The following DSCAML1 variants were observed in gnomAD, a reference collection of about 807,000 sequenced individuals.
DSCAML1 encodes the protein cell adhesion molecule DSCAML1.
DSCAML1 carries 38 observed loss-of-function variants against 200.5 expected under a neutral mutation model. The observed-to-expected ratio is 0.19, with a 90% CI of 0.15 to 0.25. DSCAML1 has a LOEUF of 0.25. Ranked by LOEUF, DSCAML1 falls within the 10% of genes least tolerant of loss-of-function variation. DSCAML1 has a pLI of 1.00. For synonymous variants in DSCAML1, 1,215 were observed against 1,165.0 expected, an observed-to-expected ratio of 1.04 and a Z score of -0.87; for missense variants, 2,223 against 2,858.8, an observed-to-expected ratio of 0.78 and a Z score of 5.07.
At chr11:117,559,045 G>A (rs2050610137) in intron 3 of DSCAML1, among the ~76,000 whole-genome samples, 2 of 152,126 alleles carry the variant, frequency 1.3e-5, no homozygotes, top group South Asian at 4.2e-4. Flanking sequence ...AGGGAAAAGG[G>A]GAGGTTGGGG....
chr11:117,640,159 G>A (rs1407346693), intron 3 of DSCAML1, among the ~76,000 whole-genome samples: 1 of 152,178 alleles, frequency 6.6e-6, no homozygotes, highest in African/African-American at 2.4e-5. Context: ...GGCTGTGGAA[G>A]CAGCACTCTC....
rs1414573687 is a variant in DSCAML1, at chr11:117,718,667, AACC to A, written c.511+58121_511+58123del. Among the ~76,000 whole-genome samples, 37 of 22,324 alleles carry A rather than the reference AACC, an allele frequency of 1.7e-3. 3 individuals carry two copies. The highest frequency in any genetic ancestry group is 2.5e-3 in the African/African-American group (18 of 7,158). The allele number at this position is 22,324 out of a possible 152,430, so 14.6% of individuals were successfully genotyped here. On this transcript the variant is annotated intron_variant, in intron 3 of 32. Transcript: ENST00000651296. The stretch of plus-strand genomic sequence containing the variant: ...ACACACACACAAGATGAATACTCAA[AACC>A]CCCCCCCCCCCCCATCATATGAGAC...
At chr11:117,769,228 ATATTATATATTTTATATATGTATATAT>A (rs1565273512) in intron 3 of DSCAML1, among the ~76,000 whole-genome samples, 21 of 32,892 alleles carry the variant, frequency 6.4e-4, no homozygotes, top group African/African-American at 1.9e-3. Flanking sequence ...TATATTGTAT[ATATTATATATTTTATATATGTATATAT>A]TATATATTTT....
Position 117,465,060 on chromosome 11 carries a change from C to T in DSCAML1, c.3147G>A (p.Glu1049=), listed in dbSNP as rs1241055831. 7 of 1,614,144 alleles carry T rather than the reference C, an allele frequency of 4.3e-6. No homozygotes were observed. The East Asian group carries it at 6.7e-5, about 15-fold the overall frequency. The change falls in exon 17 of 33, where the codon GAG becomes GAA. Residue 1049 remains glutamate, a synonymous_variant. Transcript: ENST00000651296. The stretch of plus-strand genomic sequence containing the variant: ...TCTTGAGGTTGTCCAGGGTGTAGAC[C>T]TCGCTGTCCCCCGTGGCCTTCATCT... ...IVEMKATGDS[E]VYTLDNLKKF...
intron 2 of DSCAML1, among the ~76,000 whole-genome samples, chr11:117,779,267 G>A (rs1040417704): frequency 2.6e-5 from 4 of 152,058 alleles, no homozygotes; most frequent in African/African-American, 7.2e-5. Context: ...ATAATGATCC[G>A]AGACCCACCT....
chr11:117,639,648 G>GGA (rs1424934473), intron 3 of DSCAML1, among the ~76,000 whole-genome samples: 1 of 152,196 alleles, frequency 6.6e-6, no homozygotes, highest in Admixed American at 6.5e-5. Flanking sequence ...ACTGAGGGGA[G>GGA]GAGGGAAGGA....
chr11:117,657,319 C>T (rs1233067939), intron 3 of DSCAML1, among the ~76,000 whole-genome samples: 1 of 152,166 alleles, frequency 6.6e-6, no homozygotes, highest in Non-Finnish European at 1.5e-5. Context: ...GCCTTGAGTC[C>T]ACAAGACAGA....
chr11:117,536,203 C>T (rs1565773268), intron 3 of DSCAML1, among the ~76,000 whole-genome samples: 1 of 152,184 alleles, frequency 6.6e-6, no homozygotes, highest in Admixed American at 6.5e-5. Context: ...GTTTGATGAG[C>T]ATCGGACGGT....
At chr11:117,442,116 T>C (rs536054365) in intron 21 of DSCAML1, among the ~76,000 whole-genome samples, 28 of 147,934 alleles carry the variant, frequency 1.9e-4, no homozygotes, top group Non-Finnish European at 3.6e-4. Flanking sequence ...TATGTGCATA[T>C]GTGAGTGTGC....
intron 3 of DSCAML1, among the ~76,000 whole-genome samples, chr11:117,685,160 G>A (rs1174523402): frequency 6.6e-6 from 1 of 152,200 alleles, no homozygotes; most frequent in Non-Finnish European, 1.5e-5. Flanking sequence ...TCACACAGTG[G>A]GCGATAGACT....
At chr11:117,492,233 G>A (rs582285) in intron 11 of DSCAML1, among the ~76,000 whole-genome samples, 106,648 of 152,046 alleles carry the variant, frequency 0.7, 38,231 homozygotes, top group South Asian at 0.87. Context: ...CAGAGGCAAC[G>A]GGATTGGAAG....
chr11:117,458,996 C>T lies in DSCAML1; in HGVS notation c.3413-87G>A, dbSNP rs569287878. The stretch of plus-strand genomic sequence containing the variant: ...CCCTGCTGCCTGGGCTCTGCCCACA[C>T]CTACTGCACAGGCTCAGCCCTCGAC... On this transcript the variant is annotated intron_variant, in intron 18 of 32. Coordinates refer to ENST00000651296, the MANE Select transcript of DSCAML1 (RefSeq NM_020693.4). 31 of 1,517,488 alleles carry T rather than the reference C, an allele frequency of 2.0e-5. No individual in the cohort carries two copies. In the East Asian group the frequency reaches 6.1e-4, roughly 30 times the overall value. The allele number at this position is 1,517,488 out of a possible 1,614,324, so 94.0% of individuals were successfully genotyped here. A position where few individuals can be genotyped will look rare whatever the true frequency, so the allele number is the denominator to read the frequency against.
At position 117,516,064 on chromosome 11, in the gene DSCAML1, C is replaced by A. The variant is rs2137304247; in HGVS notation, c.1783+403G>T. On this transcript the variant is annotated intron_variant, in intron 8 of 32. Coordinates refer to ENST00000651296, the MANE Select transcript of DSCAML1 (RefSeq NM_020693.4). The surrounding 1 kb of genome is among the most constrained non-coding windows in gnomAD (Gnocchi z 5.7). ...AGGGCTCCCAGCGTGCTCTGTCAAC[C>A]CTGGCCTCCTGTTGCTTGTGGCCTC... 6.6e-6 allele frequency among the ~76,000 whole-genome samples: 1 copy of A among 152,290 alleles called. No individual in the cohort carries two copies. The highest frequency in any genetic ancestry group is 6.5e-5 in the Admixed American group (1 of 15,308).
chr11:117,555,459 AGTGACCGCT>A (rs2050543632), intron 3 of DSCAML1, among the ~76,000 whole-genome samples: 1 of 152,196 alleles, frequency 6.6e-6, no homozygotes, highest in South Asian at 2.1e-4. Flanking sequence ...CAGAGGATGA[AGTGACCGCT>A]GTCTCTGGGA....
intron 4 of DSCAML1, among the ~76,000 whole-genome samples, chr11:117,528,089 A>G (rs1222015154): frequency 6.6e-6 from 1 of 152,186 alleles, no homozygotes; most frequent in Admixed American, 6.5e-5. Context: ...TAGACGCTCA[A>G]TCCAGCTGCA....
chr11:117,614,870 C>T (rs140548749), intron 3 of DSCAML1, among the ~76,000 whole-genome samples: 13 of 152,246 alleles, frequency 8.5e-5, no homozygotes, highest in Admixed American at 8.5e-4. Flanking sequence ...CAGCATCTGC[C>T]CCCTCACAGT....
chr11:117,445,085 C>T (rs2048149301), intron 20 of DSCAML1, among the ~76,000 whole-genome samples: 1 of 152,166 alleles, frequency 6.6e-6, no homozygotes. Context: ...CATGTAGACG[C>T]ATGCACACAT....
intron 20 of DSCAML1, 61 bp from the exon 21 acceptor site, chr11:117,444,100 C>T: frequency 6.5e-7 from 1 of 1,545,378 alleles, no homozygotes; most frequent in South Asian, 1.2e-5. Context: ...GCGTCCAAAT[C>T]TTCCTCAGTG....
intron 3 of DSCAML1, among the ~76,000 whole-genome samples, chr11:117,618,194 C>T (rs1484439591): frequency 6.6e-6 from 1 of 152,170 alleles, no homozygotes; most frequent in Non-Finnish European, 1.5e-5. Flanking sequence ...TTGGAAAGGG[C>T]CTAACCTCAT....
Sources: gnomAD v4.1 joint callset for allele counts (sites outside exome capture counted in the v4.1 genomes callset) on GRCh38, gnomAD v4.1.1 for gene constraint, Gnocchi (gnomAD v3.1) non-coding constraint, MANE v1.5 for transcripts, NCBI Gene and HGNC (gene_info 2026-07-23, HGNC 2026-07-21) for gene names.